CDYL: variants seen among roughly 807,000 people sequenced by gnomAD.
CDYL encodes the protein chromodomain Y like, also known as chromodomain Y-like protein.
In CDYL, 8 loss-of-function variants were observed where a neutral mutation model predicts 47.3. The ratio of observed to expected loss-of-function variants is 0.17; its 90% CI spans 0.10 to 0.31. The LOEUF (loss-of-function observed/expected upper bound fraction) is 0.31, where lower values mean the gene tolerates loss of function less well. Ranked by LOEUF, CDYL falls within the 10% of genes least tolerant of loss-of-function variation. The pLI, the probability that CDYL is intolerant of heterozygous loss-of-function variation, is 1.00. For missense variants in CDYL, 471 were observed against 701.4 expected (o/e 0.67, Z 3.71); for synonymous variants, 266 against 265.0 (o/e 1.00, Z -0.04).
At chr6:4,832,216 CAT>C in intron 1 of CDYL, among the ~76,000 whole-genome samples, 1 of 152,288 alleles carries the variant, frequency 6.6e-6, no homozygotes, top group Middle Eastern at 3.4e-3. Flanking sequence ...GTGGGTTTGT[CAT>C]AGATAGCTCT....
At chr6:4,803,792 C>G (rs538695537) in intron 1 of CDYL, among the ~76,000 whole-genome samples, 33 of 134,262 alleles carry the variant, frequency 2.5e-4, no homozygotes, top group African/African-American at 8.4e-4. Flanking sequence ...TCTCTTCATT[C>G]TAGCTTGTAA....
chr6:4,759,021 G>A (rs1350400110), intron 3 of CDYL, among the ~76,000 whole-genome samples: 1 of 144,584 alleles, frequency 6.9e-6, no homozygotes, highest in African/African-American at 2.6e-5. Context: ...AGGCTGGAGT[G>A]CAGTGGCACG....
intron 2 of CDYL, among the ~76,000 whole-genome samples, chr6:4,933,201 A>G (rs766584918): frequency 1.3e-4 from 20 of 152,278 alleles, no homozygotes; most frequent in South Asian, 6.2e-4. Flanking sequence ...CTGGGAGCTC[A>G]TACTGTCAGT....
intron 1 of CDYL, among the ~76,000 whole-genome samples, chr6:4,825,545 C>T (rs1302874283): frequency 1.3e-5 from 2 of 152,048 alleles, no homozygotes; most frequent in Non-Finnish European, 2.9e-5. Context: ...ATGTTTTAAT[C>T]ATGAGTTAGA....
At chr6:4,765,812 C>T (rs1758243962) in intron 3 of CDYL, among the ~76,000 whole-genome samples, 2 of 152,148 alleles carry the variant, frequency 1.3e-5, no homozygotes, top group African/African-American at 4.8e-5. Flanking sequence ...GATCCACCCA[C>T]CTTGGCCTCC....
chr6:4,764,329 G>A (rs954656907), intron 3 of CDYL, among the ~76,000 whole-genome samples: 5 of 152,020 alleles, frequency 3.3e-5, no homozygotes, highest in Non-Finnish European at 7.4e-5. Flanking sequence ...TTGCTCTGTT[G>A]CCCAGGCTGG....
intron 1 of CDYL, chr6:4,714,069 C>G (rs754132746): frequency 6.6e-6 from 1 of 152,158 alleles, no homozygotes; most frequent in Non-Finnish European, 1.5e-5. Context: ...TGGCTGTTAC[C>G]AGCACCTTAC....
chr6:4,715,102 C>T (rs1050771642), intron 1 of CDYL, among the ~76,000 whole-genome samples: 4 of 152,202 alleles, frequency 2.6e-5, no homozygotes, highest in Non-Finnish European at 5.9e-5. Flanking sequence ...AACCACTCGC[C>T]ACTCTGAAAA....
chr6:4,801,450 T>C (rs1417157292), intron 1 of CDYL, among the ~76,000 whole-genome samples: 4 of 152,250 alleles, frequency 2.6e-5, no homozygotes, highest in Non-Finnish European at 5.9e-5. Context: ...GTTGGACATA[T>C]GCTGTAGTGA....
At chr6:4,715,812 G>A (rs1582271866) in exon 2 of CDYL, 2 of 1,614,136 alleles carry the variant, frequency 1.2e-6, no homozygotes, top group East Asian at 2.2e-5. Context: ...GTCAGCCTGG[G>A]GAAAAAGCAG....
intron 5 of CDYL, among the ~76,000 whole-genome samples, chr6:4,946,207 C>T (rs1016791547): frequency 1.3e-5 from 2 of 152,170 alleles, no homozygotes; most frequent in African/African-American, 4.8e-5. Flanking sequence ...TGTTCAGTGC[C>T]CCCTCCATGG....
intron 1 of CDYL, among the ~76,000 whole-genome samples, chr6:4,781,549 T>C (rs1247850489): frequency 2.6e-5 from 4 of 152,242 alleles, no homozygotes; most frequent in African/African-American, 7.2e-5. Flanking sequence ...TCCTGTGAGT[T>C]GCTGAGAATA....
intron 1 of CDYL, among the ~76,000 whole-genome samples, chr6:4,706,733 G>A (rs1241616103): frequency 6.6e-6 from 1 of 152,160 alleles, no homozygotes; most frequent in Non-Finnish European, 1.5e-5. Context: ...AGCCTGCAGT[G>A]AGTCGAGATG....
At chr6:4,756,574 GTGTGTA>G (rs991384243) in intron 3 of CDYL, among the ~76,000 whole-genome samples, 27 of 133,396 alleles carry the variant, frequency 2.0e-4, no homozygotes, top group Admixed American at 1.4e-4. Flanking sequence ...TAAAATTATC[GTGTGTA>G]TGTGTGTGTG....
At chr6:4,893,532 A>G (rs996887501) in intron 2 of CDYL, among the ~76,000 whole-genome samples, 11 of 152,212 alleles carry the variant, frequency 7.2e-5, no homozygotes, top group African/African-American at 2.7e-4. Context: ...GTCTCTACTA[A>G]AAATACAAAA....
At chr6:4,814,371 A>G (rs541260353) in intron 1 of CDYL, among the ~76,000 whole-genome samples, 2 of 152,332 alleles carry the variant, frequency 1.3e-5, no homozygotes, top group African/African-American at 4.8e-5. Flanking sequence ...TAGAAAGTGA[A>G]ACTGAACAGG....
rs778746146 is a variant in CDYL at position 4,891,718 on chromosome 6, A to C, written c.30A>C (p.Glu10Asp). 1 of 1,610,816 alleles carries C rather than the reference A, an allele frequency of 6.2e-7. No homozygotes were observed. Among genetic ancestry groups the C allele is most frequent in the Non-Finnish European group, 8.5e-7 (1 of 1,178,228 alleles). Residue 10 changes from glutamate (E) to aspartate (D), a missense_variant, in exon 2 of 7, where the codon GAA (glutamate) becomes GAC (aspartate). Glu to Asp is a conservative substitution (Grantham distance 45, BLOSUM62 2). Coordinates refer to ENST00000397588, the MANE Select transcript of CDYL (RefSeq NM_004824.4). ...TTTTTTCCTTTTATGAACAGGTTGA[A>C]AGGATTGTTGACAAAAGGAAAAATA... MASEELYEV[E>D]RIVDKRKNKK...
chr6:4,835,364 C>G (rs1373644313), intron 1 of CDYL, among the ~76,000 whole-genome samples: 1 of 152,208 alleles, frequency 6.6e-6, no homozygotes, highest in East Asian at 1.9e-4. Context: ...TGGGTATCAG[C>G]AGTGGTGTCT....
At chr6:4,744,725 A>G (rs543931674) in intron 3 of CDYL, among the ~76,000 whole-genome samples, 2 of 152,336 alleles carry the variant, frequency 1.3e-5, no homozygotes, top group Admixed American at 6.5e-5. Context: ...TACGGCTTAA[A>G]GAGGTTAATT....
Sources: gnomAD v4.1 joint callset for allele counts (sites outside exome capture counted in the v4.1 genomes callset) on GRCh38, gnomAD v4.1.1 for gene constraint, MANE v1.5 for transcripts, NCBI Gene and HGNC (gene_info 2026-07-23, HGNC 2026-07-21) for gene names.